The following EVA1A variants were observed in gnomAD, a reference collection of about 807,000 sequenced individuals.
The protein encoded by EVA1A is protein eva-1 homolog A.
Under a neutral mutation model 9.8 loss-of-function variants are expected in EVA1A, and 7 were observed. The observed-to-expected ratio is 0.71, with a 90% CI of 0.41 to 1.34. The LOEUF (loss-of-function observed/expected upper bound fraction) is 1.34, where lower values mean the gene tolerates loss of function less well. Ranked by LOEUF, EVA1A falls within the 40% of genes most tolerant of loss-of-function variation. EVA1A has a pLI of 0.01. For missense variants in EVA1A, 206 were observed against 205.9 expected, an observed-to-expected ratio of 1.00 and a Z score of 0.00; for synonymous variants, 90 against 85.6, an observed-to-expected ratio of 1.05 and a Z score of -0.28.
At chr2:75,552,173 G>A (rs1298284908) in intron 1 of EVA1A, among the ~76,000 whole-genome samples, 1 of 139,254 alleles carries the variant, frequency 7.2e-6, no homozygotes, top group African/African-American at 2.6e-5. Flanking sequence ...GTCACAAAGT[G>A]AGACTCTGTC....
chr2:75,553,438 A>T (rs2103975041), intron 1 of EVA1A, among the ~76,000 whole-genome samples: 1 of 152,358 alleles, frequency 6.6e-6, no homozygotes, highest in South Asian at 2.1e-4. Context: ...TGGACAGCAA[A>T]ACATTGCATT....
At chr2:75,539,355 T>C (rs1028323607) in intron 1 of EVA1A, among the ~76,000 whole-genome samples, 7 of 152,164 alleles carry the variant, frequency 4.6e-5, no homozygotes, top group Admixed American at 1.3e-4. Flanking sequence ...TACAAGAAAG[T>C]GCACAAGCTT....
intron 1 of EVA1A, among the ~76,000 whole-genome samples, chr2:75,529,793 T>A (rs988390706): frequency 3.9e-5 from 6 of 152,018 alleles, no homozygotes; most frequent in Admixed American, 3.9e-4. Context: ...TCAAAAAATC[T>A]GAAAGAGCTC....
At chr2:75,522,607 T>C (rs946600889) in intron 1 of EVA1A, 120 bp from the exon 2 acceptor site, 3 of 152,248 alleles carry the variant, frequency 2.0e-5, no homozygotes, top group Admixed American at 6.5e-5. Context: ...TCTGGATCCT[T>C]GGAAGGATGA....
intron 2 of EVA1A, among the ~76,000 whole-genome samples, chr2:75,520,797 T>C (rs1410377810): frequency 1.3e-5 from 2 of 152,086 alleles, no homozygotes; most frequent in African/African-American, 4.8e-5. Context: ...CAATGATTTC[T>C]TGGATATGAC....
chr2:75,559,260 T>A (rs546654302), intron 1 of EVA1A, among the ~76,000 whole-genome samples: 12 of 152,338 alleles, frequency 7.9e-5, no homozygotes, highest in Admixed American at 5.2e-4. Context: ...TCTACTTACA[T>A]GATGACAGCC....
intron 1 of EVA1A, among the ~76,000 whole-genome samples, chr2:75,553,256 C>G (rs1388064954): frequency 6.6e-6 from 1 of 152,218 alleles, no homozygotes; most frequent in African/African-American, 2.4e-5. Flanking sequence ...GTTTAGGTGT[C>G]CCTCCTGTGG....
chr2:75,558,653 T>C (rs573907813), intron 1 of EVA1A: 5 of 152,228 alleles, frequency 3.3e-5, no homozygotes, highest in South Asian at 2.1e-4. Flanking sequence ...GTCTCAAAGA[T>C]TGATTGCCAG....
chr2:75,533,883 C>A (rs940190433), intron 1 of EVA1A, among the ~76,000 whole-genome samples: 5 of 151,932 alleles, frequency 3.3e-5, no homozygotes, highest in African/African-American at 1.2e-4. Flanking sequence ...GCGATCTTGG[C>A]TCACTGCAAG....
intron 3 of EVA1A, among the ~76,000 whole-genome samples, chr2:75,494,909 T>C (rs1312266786): frequency 6.6e-6 from 1 of 152,180 alleles, no homozygotes; most frequent in African/African-American, 2.4e-5. Context: ...AAGATAACAG[T>C]CATTCTGTTA....
intron 2 of EVA1A, among the ~76,000 whole-genome samples, chr2:75,521,629 T>A (rs1675231837): frequency 6.6e-6 from 1 of 152,170 alleles, no homozygotes; most frequent in African/African-American, 2.4e-5. Flanking sequence ...GTCATATTCA[T>A]AGAGACAGAA....
chr2:75,499,765 C>T (rs912524561), intron 3 of EVA1A, among the ~76,000 whole-genome samples: 2 of 152,142 alleles, frequency 1.3e-5, no homozygotes, highest in Non-Finnish European at 2.9e-5. Flanking sequence ...GCCCAGGTTG[C>T]TGCCTCTGCC....
intron 1 of EVA1A, among the ~76,000 whole-genome samples, chr2:75,568,460 T>A (rs1404030185): frequency 1.3e-5 from 2 of 151,774 alleles, no homozygotes; most frequent in Non-Finnish European, 1.5e-5. Flanking sequence ...GTCCTTTTTT[T>A]AATTTTTATT....
intron 1 of EVA1A, among the ~76,000 whole-genome samples, chr2:75,548,893 A>G (rs997343565): frequency 1.3e-5 from 2 of 151,892 alleles, no homozygotes; most frequent in African/African-American, 4.8e-5. Context: ...TAAGACTGTC[A>G]GAATCACCAT....
At chr2:75,551,790 C>T (rs991818090) in intron 1 of EVA1A, among the ~76,000 whole-genome samples, 7 of 152,216 alleles carry the variant, frequency 4.6e-5, no homozygotes, top group African/African-American at 1.7e-4. Flanking sequence ...ATACAGTACA[C>T]ACTCAATAAA....
At chr2:75,551,348 C>T (rs149813564) in intron 1 of EVA1A, among the ~76,000 whole-genome samples, 1 of 152,090 alleles carries the variant, frequency 6.6e-6, no homozygotes, top group Non-Finnish European at 1.5e-5. Flanking sequence ...CTGTTAGACT[C>T]CTCTCACCAA....
intron 1 of EVA1A, among the ~76,000 whole-genome samples, chr2:75,552,460 C>G (rs531104951): frequency 3.3e-5 from 5 of 152,274 alleles, no homozygotes; most frequent in South Asian, 4.1e-4. Context: ...CCTTACTCCC[C>G]TGTTCAATCA....
chr2:75,566,239 A>T (rs141299879), intron 1 of EVA1A, among the ~76,000 whole-genome samples: 1 of 152,352 alleles, frequency 6.6e-6, no homozygotes, highest in East Asian at 1.9e-4. Flanking sequence ...CCAAATTTTT[A>T]TAAGGTCTAA....
chr2:75,538,149 G>T (rs1675984139), intron 1 of EVA1A, among the ~76,000 whole-genome samples: 1 of 152,098 alleles, frequency 6.6e-6, no homozygotes, highest in African/African-American at 2.4e-5. Context: ...AGTTAGCTGG[G>T]CATGGTGGCA....
Sources: gnomAD v4.1 joint callset for allele counts (sites outside exome capture counted in the v4.1 genomes callset) on GRCh38, gnomAD v4.1.1 for gene constraint, MANE v1.5 for transcripts, NCBI Gene and HGNC (gene_info 2026-07-23, HGNC 2026-07-21) for gene names.